ITGB5: variants seen among roughly 807,000 people sequenced by gnomAD.
The protein encoded by ITGB5 is integrin subunit beta 5.
ITGB5 carries 38 observed loss-of-function variants against 84.8 expected under a neutral mutation model. That is an observed-to-expected ratio of 0.45 (90% CI 0.35 to 0.59). The LOEUF (loss-of-function observed/expected upper bound fraction) is 0.59. Among genes scored for constraint, ITGB5 ranks in the 20% least tolerant of loss-of-function variants. The pLI is 0.01. For synonymous variants in ITGB5, 393 were observed against 414.4 expected (o/e 0.95, Z 0.63); for missense variants, 905 against 1,034.5 (o/e 0.87, Z 1.72).
At chr3:124,870,649 C>G (rs1933972833) in intron 2 of ITGB5, among the ~76,000 whole-genome samples, 2 of 151,738 alleles carry the variant, frequency 1.3e-5, no homozygotes, top group Non-Finnish European at 2.9e-5. Flanking sequence ...TTGCTTAAAC[C>G]CAGGAGGTGG....
chr3:124,862,490 T>G (rs2065318655), intron 2 of ITGB5: 1 of 152,214 alleles, frequency 6.6e-6, no homozygotes, highest in Admixed American at 6.5e-5. Context: ...CAAAGGGATT[T>G]TTGATGGATA....
intron 9 of ITGB5, among the ~76,000 whole-genome samples, chr3:124,808,183 GC>G (rs2064440427): frequency 6.6e-6 from 1 of 152,108 alleles, no homozygotes; most frequent in African/African-American, 2.4e-5. Flanking sequence ...TGCTATGAAT[GC>G]CAAGAGGATA....
intron 10 of ITGB5, among the ~76,000 whole-genome samples, chr3:124,775,464 T>C (rs1374048722): frequency 6.6e-6 from 1 of 152,086 alleles, no homozygotes; most frequent in African/African-American, 2.4e-5. Flanking sequence ...AAAGACTAGA[T>C]AGCACCGTCT....
At chr3:124,839,009 G>C (rs999102247) in intron 5 of ITGB5, among the ~76,000 whole-genome samples, 1 of 152,206 alleles carries the variant, frequency 6.6e-6, no homozygotes, top group Admixed American at 6.5e-5. Context: ...TGGTGAGCCA[G>C]GAAGGATGAC....
intron 1 of ITGB5, among the ~76,000 whole-genome samples, chr3:124,883,832 G>A (rs768605342): frequency 6.6e-6 from 1 of 152,186 alleles, no homozygotes; most frequent in Non-Finnish European, 1.5e-5. Flanking sequence ...CCCTGGTTTT[G>A]TGGGAAGACC....
intron 3 of ITGB5, among the ~76,000 whole-genome samples, chr3:124,852,215 G>A (rs1011540974): frequency 3.3e-5 from 5 of 152,068 alleles, no homozygotes; most frequent in East Asian, 1.9e-4. Context: ...ACACCATCCC[G>A]GCCCATGTGT....
At chr3:124,848,660 T>C (rs1021662607) in intron 3 of ITGB5, 102 bp from the exon 4 acceptor site, 6 of 1,307,516 alleles carry the variant, frequency 4.6e-6, no homozygotes, top group Non-Finnish European at 5.2e-6. Flanking sequence ...TACTTTTCTT[T>C]AGTGATTGTG....
At chr3:124,781,679 C>T (rs570618845) in intron 10 of ITGB5, among the ~76,000 whole-genome samples, 4 of 152,290 alleles carry the variant, frequency 2.6e-5, no homozygotes, top group African/African-American at 9.6e-5. Flanking sequence ...CATTACCATG[C>T]CTGGGGGAGT....
At chr3:124,767,481 C>T (rs962778513) in intron 12 of ITGB5, among the ~76,000 whole-genome samples, 2 of 152,236 alleles carry the variant, frequency 1.3e-5, no homozygotes, top group African/African-American at 4.8e-5. Context: ...GGTTGGGAAG[C>T]AGCTGTGCAT....
intron 3 of ITGB5, among the ~76,000 whole-genome samples, chr3:124,855,371 A>G (rs952553691): frequency 1.3e-5 from 2 of 152,108 alleles, no homozygotes; most frequent in Non-Finnish European, 1.5e-5. Context: ...CCCTCCCTAG[A>G]GTCAGGGGGG....
chr3:124,868,694 G>A (rs948440216), intron 2 of ITGB5, among the ~76,000 whole-genome samples: 8 of 151,540 alleles, frequency 5.3e-5, no homozygotes, highest in Admixed American at 2.6e-4. Context: ...CCAGCTACTC[G>A]GGAGGCTAAG....
intron 2 of ITGB5, chr3:124,862,904 T>C (rs2065325683): frequency 6.6e-6 from 1 of 152,164 alleles, no homozygotes; most frequent in Non-Finnish European, 1.5e-5. Context: ...ATTAATCACA[T>C]TAAAGCTGCA....
intron 13 of ITGB5, among the ~76,000 whole-genome samples, chr3:124,765,226 T>C (rs3772813): frequency 0.17 from 25,140 of 152,040 alleles, 2,283 homozygotes; most frequent in Admixed American, 0.25. Flanking sequence ...CCAAGAAGAA[T>C]GTAAGGGGTG....
rs1553766077 is a variant in ITGB5 at position 124,861,495 on chromosome 3, TACACACACAC to T, written c.157-2059_157-2050del. ...ACAAAACAAAACATATATATATATA[TACACACACAC>T]ACACACACACACACACACACACAGA... On this transcript the variant is annotated intron_variant, in intron 2 of 14. Transcript: ENST00000296181. Among the ~76,000 whole-genome samples, 751 of 112,012 alleles carry T rather than the reference TACACACACAC, an allele frequency of 6.7e-3. 5 individuals are homozygous for T. Among genetic ancestry groups the T allele is most frequent in the South Asian group, 0.032 (102 of 3,212 alleles). The allele number at this position is 112,012 out of a possible 152,430, so 73.5% of individuals were successfully genotyped here.
At chr3:124,889,458 C>T (rs778948623), upstream of ITGB5, among the ~76,000 whole-genome samples, 1 of 152,158 alleles carries the variant, frequency 6.6e-6, no homozygotes, top group African/African-American at 2.4e-5. Context: ...ACACTGTAAC[C>T]CCGACCACCT....
intron 10 of ITGB5, among the ~76,000 whole-genome samples, chr3:124,786,445 G>T (rs756820709): frequency 1.3e-5 from 2 of 151,666 alleles, no homozygotes; most frequent in African/African-American, 2.4e-5. Flanking sequence ...CTATAGTTTT[G>T]CCTGTTGCTA....
At chr3:124,860,006 C>G (rs1015797754) in intron 2 of ITGB5, among the ~76,000 whole-genome samples, 1 of 152,140 alleles carries the variant, frequency 6.6e-6, no homozygotes, top group Non-Finnish European at 1.5e-5. Flanking sequence ...CTTGGGCATT[C>G]AAGAGTTAAC....
chr3:124,786,091 A>G (rs2064078410), intron 10 of ITGB5, among the ~76,000 whole-genome samples: 2 of 152,230 alleles, frequency 1.3e-5, no homozygotes, highest in African/African-American at 2.4e-5. Context: ...AATGCACTGT[A>G]GACACACCGT....
chr3:124,861,230 C>T (rs1474042732), intron 2 of ITGB5, among the ~76,000 whole-genome samples: 2 of 151,782 alleles, frequency 1.3e-5, no homozygotes, highest in Non-Finnish European at 2.9e-5. Flanking sequence ...ATTAAATCCC[C>T]GAGGATCTTG....
Sources: allele counts gnomAD v4.1 joint callset (sites outside exome capture counted in the v4.1 genomes callset), GRCh38; gene constraint gnomAD v4.1.1; transcripts MANE v1.5; gene names NCBI Gene and HGNC (gene_info 2026-07-23, HGNC 2026-07-21).